The following SORCS1 variants were observed in gnomAD, a reference collection of about 807,000 sequenced individuals.
SORCS1 encodes sortilin related VPS10 domain containing receptor 1, also known as VPS10 domain-containing receptor SorCS1.
Under a neutral mutation model 146.1 loss-of-function variants are expected in SORCS1, and 60 were observed. The ratio of observed to expected loss-of-function variants is 0.41; its 90% CI spans 0.33 to 0.51. SORCS1 has a LOEUF of 0.51. Among genes scored for constraint, SORCS1 ranks in the 20% least tolerant of loss-of-function variants. The pLI, the probability that SORCS1 is intolerant of heterozygous loss-of-function variation, is 0.21. For synonymous variants in SORCS1, 637 were observed against 584.0 expected (o/e 1.09, Z -1.31); for missense variants, 1,352 against 1,487.6 (o/e 0.91, Z 1.50).
At chr10:106,923,201 T>C (rs1156542173) in intron 2 of SORCS1, among the ~76,000 whole-genome samples, 2 of 152,236 alleles carry the variant, frequency 1.3e-5, no homozygotes, top group African/African-American at 4.8e-5. Flanking sequence ...CCATGGACTT[T>C]CTTACCGTCT....
At chr10:106,987,869 C>A (rs1360063658) in intron 1 of SORCS1, among the ~76,000 whole-genome samples, 3 of 152,102 alleles carry the variant, frequency 2.0e-5, no homozygotes, top group Non-Finnish European at 2.9e-5. Context: ...TATTATATTA[C>A]AAAATCACTT....
At chr10:107,029,742 C>A (rs1958565350) in intron 1 of SORCS1, among the ~76,000 whole-genome samples, 1 of 152,076 alleles carries the variant, frequency 6.6e-6, no homozygotes, top group South Asian at 2.1e-4. Context: ...CCAAATACAC[C>A]CACACACACC....
chr10:106,630,279 T>C (rs1195772996), intron 18 of SORCS1, among the ~76,000 whole-genome samples: 1 of 152,258 alleles, frequency 6.6e-6, no homozygotes, highest in Non-Finnish European at 1.5e-5. Context: ...AATTCTTTTA[T>C]GCTTTAGCAT....
intron 2 of SORCS1, among the ~76,000 whole-genome samples, chr10:106,942,504 G>A (rs549815095): frequency 6.6e-5 from 10 of 152,296 alleles, no homozygotes; most frequent in Non-Finnish European, 1.2e-4. Context: ...ATTCAGCACA[G>A]TGCATGCCAG....
intron 1 of SORCS1, among the ~76,000 whole-genome samples, chr10:106,964,737 T>G (rs1206476853): frequency 6.6e-6 from 1 of 151,942 alleles, no homozygotes; most frequent in East Asian, 1.9e-4. Context: ...CTGCCTGCCT[T>G]GCCCTCCCAA....
chr10:106,585,015 T>C (rs1845138282), intron 24 of SORCS1, among the ~76,000 whole-genome samples: 1 of 151,958 alleles, frequency 6.6e-6, no homozygotes. Flanking sequence ...TTGGAGCACT[T>C]GTGAAAATAT....
chr10:106,870,386 C>T (rs1950363201), intron 2 of SORCS1, among the ~76,000 whole-genome samples: 1 of 152,136 alleles, frequency 6.6e-6, no homozygotes, highest in African/African-American at 2.4e-5. Flanking sequence ...CCCAGGCAAT[C>T]TTAAGCAAAT....
chr10:106,785,662 C>T (rs776256846), intron 3 of SORCS1, among the ~76,000 whole-genome samples: 6 of 152,300 alleles, frequency 3.9e-5, no homozygotes, highest in Non-Finnish European at 7.3e-5. Flanking sequence ...GTCTCAGCCA[C>T]GTGAGACCTT....
intron 2 of SORCS1, among the ~76,000 whole-genome samples, chr10:106,919,185 C>A (rs935292031): frequency 6.6e-6 from 1 of 152,170 alleles, no homozygotes; most frequent in Non-Finnish European, 1.5e-5. Flanking sequence ...CACTTAAATA[C>A]TTCTATTTAA....
chr10:106,681,268 A>G (rs537595692), intron 10 of SORCS1, among the ~76,000 whole-genome samples: 119 of 152,312 alleles, frequency 7.8e-4, no homozygotes, highest in African/African-American at 2.7e-3. Flanking sequence ...CCAGTTTTCC[A>G]TGAAAGTCTT....
At chr10:107,059,355 G>T (rs906146995) in intron 1 of SORCS1, among the ~76,000 whole-genome samples, 11 of 152,172 alleles carry the variant, frequency 7.2e-5, no homozygotes, top group Non-Finnish European at 1.3e-4. Context: ...TATGGCTATA[G>T]TTTCCTACAC....
At chr10:106,939,107 A>G (rs1211181767) in intron 2 of SORCS1, among the ~76,000 whole-genome samples, 1 of 152,232 alleles carries the variant, frequency 6.6e-6, no homozygotes, top group African/African-American at 2.4e-5. Context: ...ATTTAAGAAA[A>G]ATAATCTAGG....
chr10:106,683,704 T>G (rs1852609903), intron 10 of SORCS1, among the ~76,000 whole-genome samples: 1 of 152,232 alleles, frequency 6.6e-6, no homozygotes, highest in Admixed American at 6.5e-5. Flanking sequence ...GTATCTAATC[T>G]GAATATTGTA....
In SORCS1 at chr10:106,876,722, G is replaced by T. The variant is rs150811578; in HGVS notation, c.627-47049C>A. Among the ~76,000 whole-genome samples, 1,359 of 152,238 alleles carry T rather than the reference G, an allele frequency of 8.9e-3. 12 individuals carry two copies. The highest frequency in any genetic ancestry group is 0.013 in the Non-Finnish European group (918 of 68,018). ...TAAAATCCTGTTCAGAGATTGCTTG[G>T]GAAAGAAGTCTCCAGGACTCATTAC... On this transcript the variant is annotated intron_variant, in intron 2 of 25. Transcript: ENST00000263054.
rs559430226 is a variant in SORCS1, at chr10:106,919,506, G to T, written c.626+37007C>A. On this transcript the variant is annotated intron_variant, in intron 2 of 25. Coordinates refer to ENST00000263054, the MANE Select transcript of SORCS1 (RefSeq NM_052918.5). Reference sequence around the variant, plus strand: ...AAGGATTCCTGAAGAGATACACATTGCTTCATTATCAGATACCTTGGTTTA... The same window carrying T: ...AAGGATTCCTGAAGAGATACACATTTCTTCATTATCAGATACCTTGGTTTA... Among the ~76,000 whole-genome samples, 23 of 152,284 alleles carry T rather than the reference G, an allele frequency of 1.5e-4. No individual in the cohort carries two copies. The South Asian group carries it at 4.8e-3, about 32-fold the overall frequency.
At chr10:106,989,854 T>G (rs2139460929) in intron 1 of SORCS1, among the ~76,000 whole-genome samples, 1 of 151,744 alleles carries the variant, frequency 6.6e-6, no homozygotes, top group East Asian at 1.9e-4. Flanking sequence ...GCCTGGCTAA[T>G]TTTTTGTATT....
intron 2 of SORCS1, among the ~76,000 whole-genome samples, chr10:106,880,863 C>T (rs564229959): frequency 2.9e-4 from 44 of 151,846 alleles, no homozygotes; most frequent in Admixed American, 5.2e-4. Context: ...CCGAGGCGGG[C>T]GGATCACAAG....
chr10:107,151,599 C>T lies in SORCS1; in HGVS notation c.558+12370G>A, dbSNP rs11193216. Reference sequence around the variant, plus strand: ...AGAATAGCACAGGAAAGACCAACCCCCATGATTCCATTACCTCACCCTAGG... The same window carrying T: ...AGAATAGCACAGGAAAGACCAACCCTCATGATTCCATTACCTCACCCTAGG... On this transcript the variant is annotated intron_variant, in intron 1 of 25. Transcript: ENST00000263054. 7.4e-3 allele frequency among the ~76,000 whole-genome samples: 1,125 copies of T among 152,236 alleles called. 9 individuals are homozygous for T. The highest frequency in any genetic ancestry group is 0.012 in the Non-Finnish European group (829 of 68,020).
Position 106,977,272 on chromosome 10 carries a change from C to A in SORCS1, c.559-20692G>T, listed in dbSNP as rs145178496. On this transcript the variant is annotated intron_variant, in intron 1 of 25. Coordinates refer to ENST00000263054, the MANE Select transcript of SORCS1 (RefSeq NM_052918.5). ...GGTATCCCATTGTGGTTTGGATTTG[C>A]ATTTCTCTAATGATCCATGATGATG... 2.0e-3 allele frequency among the ~76,000 whole-genome samples: 312 copies of A among 152,306 alleles called. 4 individuals carry two copies. The highest frequency in any genetic ancestry group is 7.0e-3 in the African/African-American group (292 of 41,582).
Sources: allele counts gnomAD v4.1 joint callset (sites outside exome capture counted in the v4.1 genomes callset), GRCh38; gene constraint gnomAD v4.1.1; transcripts MANE v1.5; gene names NCBI Gene and HGNC (gene_info 2026-07-23, HGNC 2026-07-21).